OVAAL: variants seen among roughly 807,000 people sequenced by gnomAD.
OVAAL encodes the protein ovarian adenocarcinoma amplified long non-coding RNA, also known as long intergenic non-protein coding RNA 1131.
At position 180,565,011 on chromosome 1, in the gene OVAAL, G is replaced by A. The variant is rs112230668; in HGVS notation, n.514-240G>A. The stretch of plus-strand genomic sequence containing the variant: ...TTCTTCTCCTTTAAATACCCTCTTT[G>A]TAGTATTGGACATTTTATAGCCCAG... On this transcript the variant is annotated intron_variant and non_coding_transcript_variant, in intron 2 of 2. Transcript: ENST00000673955. 4.4e-3 allele frequency among the ~76,000 whole-genome samples: 671 copies of A among 152,226 alleles called. 4 individuals carry two copies. The highest frequency in any genetic ancestry group is 7.7e-3 in the Non-Finnish European group (522 of 68,010).
At chr1:180,559,025 G>T in intron 1 of OVAAL, 1 of 153,932 alleles carries the variant, frequency 6.5e-6, no homozygotes, top group South Asian at 2.0e-4. Context: ...ACCCTGCCAT[G>T]ACTCTGAGGC....
At chr1:180,560,181 G>A (rs1653175389) in intron 1 of OVAAL, among the ~76,000 whole-genome samples, 3 of 152,110 alleles carry the variant, frequency 2.0e-5, no homozygotes, top group Admixed American at 6.6e-5. Flanking sequence ...CCCAAGATAT[G>A]AGCTGAGGGA....
chr1:180,560,585 C>A (rs1420089721), intron 1 of OVAAL, among the ~76,000 whole-genome samples: 1 of 152,166 alleles, frequency 6.6e-6, no homozygotes, highest in Non-Finnish European at 1.5e-5. Flanking sequence ...AGATATGTCT[C>A]TTCTCTGGCC....
At position 180,562,588 on chromosome 1, in the gene OVAAL, G is replaced by T. The variant is rs545488712; in HGVS notation, n.513+244G>T. Among the ~76,000 whole-genome samples the T allele has an allele frequency of 5.9e-5, 9 of 152,254 alleles. No homozygotes were observed. In the South Asian group the frequency reaches 1.9e-3, roughly 32 times the overall value. ...TCAAGCAGAGGCACAGGTGGAAAAA[G>T]GGGCAAATTTGATAACCCAGAGAAG... On this transcript the variant is annotated intron_variant and non_coding_transcript_variant, in intron 2 of 2. Coordinates refer to ENST00000673955, the Ensembl canonical transcript of OVAAL.
At chr1:180,563,866 T>C (rs12117593) in intron 2 of OVAAL, among the ~76,000 whole-genome samples, 48,615 of 151,930 alleles carry the variant, frequency 0.32, 9,854 homozygotes, top group East Asian at 0.5. Flanking sequence ...CTTCTATCTA[T>C]AGGGAGACTG....
chr1:180,563,103 C>G (rs539166032), intron 2 of OVAAL, among the ~76,000 whole-genome samples: 16 of 152,310 alleles, frequency 1.1e-4, no homozygotes, highest in African/African-American at 3.8e-4. Flanking sequence ...CTACTCCCAG[C>G]AGGGTTCAGG....
chr1:180,561,400 G>A (rs1249037015), intron 1 of OVAAL, among the ~76,000 whole-genome samples: 1 of 152,140 alleles, frequency 6.6e-6, no homozygotes, highest in Non-Finnish European at 1.5e-5. Context: ...AATCCAGTCA[G>A]GGTAACAGGT....
chr1:180,561,016 C>T (rs150601604), intron 1 of OVAAL, among the ~76,000 whole-genome samples: 28 of 152,202 alleles, frequency 1.8e-4, no homozygotes, highest in African/African-American at 5.1e-4. Flanking sequence ...TTCAGTCCTA[C>T]GGTGGGGCTT....
At chr1:180,559,238 C>G (rs1653156113) in intron 1 of OVAAL, among the ~76,000 whole-genome samples, 1 of 152,120 alleles carries the variant, frequency 6.6e-6, no homozygotes, top group African/African-American at 2.4e-5. Context: ...GTTTGGAGGG[C>G]TCAGAAAAAG....
chr1:180,559,901 AT>A (rs1252313156), intron 1 of OVAAL, among the ~76,000 whole-genome samples: 28 of 72,028 alleles, frequency 3.9e-4, no homozygotes, highest in Admixed American at 1.8e-3. Context: ...GCCAGACTCC[AT>A]TTAAAAAAAA....
At chr1:180,561,076 CAAAAA>C (rs1179337208) in intron 1 of OVAAL, among the ~76,000 whole-genome samples, 1 of 152,094 alleles carries the variant, frequency 6.6e-6, no homozygotes, top group East Asian at 1.9e-4. Flanking sequence ...GAAAAGGGCA[CAAAAA>C]GGCTATCAGG....
intron 2 of OVAAL, among the ~76,000 whole-genome samples, chr1:180,564,422 T>C (rs920010586): frequency 1.3e-5 from 2 of 152,156 alleles, no homozygotes; most frequent in African/African-American, 4.8e-5. Context: ...ACAACCCTAG[T>C]CTAACTAGGG....
At chr1:180,562,928 C>T (rs1653232866) in intron 2 of OVAAL, among the ~76,000 whole-genome samples, 1 of 152,212 alleles carries the variant, frequency 6.6e-6, no homozygotes, top group Non-Finnish European at 1.5e-5. Flanking sequence ...AAAGATAAAA[C>T]TGAGAACATG....
At chr1:180,561,624 G>C (rs1307426732) in intron 1 of OVAAL, among the ~76,000 whole-genome samples, 1 of 152,180 alleles carries the variant, frequency 6.6e-6, no homozygotes, top group Non-Finnish European at 1.5e-5. Context: ...AGCTGTAGGT[G>C]CCCCTAAGGC....
At chr1:180,566,296 T>A (rs921864370) in exon 3 of OVAAL, 2 of 151,802 alleles carry the variant, frequency 1.3e-5, no homozygotes, top group Non-Finnish European at 2.9e-5. Flanking sequence ...CTCAGAACAA[T>A]GGAAATTTTT....
At chr1:180,565,844 TG>T (rs1653281028) in exon 3 of OVAAL, 2 of 151,938 alleles carry the variant, frequency 1.3e-5, no homozygotes, top group Admixed American at 1.3e-4. Flanking sequence ...GAAGGACAAG[TG>T]GGACAGAAAT....
At chr1:180,559,185 T>C (rs1255321156) in intron 1 of OVAAL, 1 of 152,730 alleles carries the variant, frequency 6.5e-6, no homozygotes. Context: ...CCCCAAAAAG[T>C]GAAAGCAACT....
intron 1 of OVAAL, among the ~76,000 whole-genome samples, chr1:180,559,904 TAAAAA>T (rs35042780): frequency 1.4e-5 from 2 of 140,324 alleles, no homozygotes; most frequent in African/African-American, 2.6e-5. Flanking sequence ...AGACTCCATT[TAAAAA>T]AAAAAAAAAA....
chr1:180,563,043 G>A (rs1032851848), intron 2 of OVAAL, among the ~76,000 whole-genome samples: 86 of 152,310 alleles, frequency 5.6e-4, no homozygotes, highest in African/African-American at 2.0e-3. Context: ...TTTCAGTTCT[G>A]GTGGGCAAGT....
Sources: gnomAD v4.1 joint callset for allele counts (sites outside exome capture counted in the v4.1 genomes callset) on GRCh38, gnomAD v4.1.1 for gene constraint, MANE v1.5 for transcripts, NCBI Gene and HGNC (gene_info 2026-07-23, HGNC 2026-07-21) for gene names.